The following COL22A1 variants were observed in gnomAD, a reference collection of about 807,000 sequenced individuals.
COL22A1 encodes the protein collagen type XXII alpha 1 chain.
Under a neutral mutation model 248.9 loss-of-function variants are expected in COL22A1, and 221 were observed. That is an observed-to-expected ratio of 0.89 (90% CI 0.80 to 0.99). The LOEUF is 0.99. COL22A1 is among the 50% of genes least tolerant of loss of function. The probability of loss-of-function intolerance (pLI) is 0.00; values close to 1 mark genes in which losing one functional copy is unlikely to be tolerated. For synonymous variants in COL22A1, 891 were observed against 793.4 expected, an observed-to-expected ratio of 1.12 and a Z score of -2.07; for missense variants, 2,240 against 2,179.0, an observed-to-expected ratio of 1.03 and a Z score of -0.56.
intron 35 of COL22A1, among the ~76,000 whole-genome samples, chr8:138,691,939 TACGTGTGTGCATGTTTGTGGAGGTGC>T (rs2130907434): frequency 1.4e-5 from 2 of 140,968 alleles, no homozygotes; most frequent in South Asian, 2.4e-4. Context: ...GAGGTGTGTG[TACGTGTGTGCATGTTTGTGGAGGTGC>T]ATGTGTGGAG....
At chr8:138,759,723 G>A (rs1833290291) in intron 18 of COL22A1, among the ~76,000 whole-genome samples, 1 of 146,722 alleles carries the variant, frequency 6.8e-6, no homozygotes, top group Admixed American at 7.1e-5. Flanking sequence ...AAACCTGGAA[G>A]ATATTCTAAA....
chr8:138,809,102 C>G (rs759579367), intron 9 of COL22A1, among the ~76,000 whole-genome samples: 24 of 151,724 alleles, frequency 1.6e-4, no homozygotes, highest in Non-Finnish European at 3.1e-4. Context: ...ATGAAAGAGA[C>G]AGAAATGATA....
intron 16 of COL22A1, among the ~76,000 whole-genome samples, chr8:138,768,924 G>A (rs971771979): frequency 1.3e-5 from 2 of 151,832 alleles, no homozygotes; most frequent in Non-Finnish European, 1.5e-5. Context: ...GCAATAGAGT[G>A]AGACTCCATC....
intron 22 of COL22A1, among the ~76,000 whole-genome samples, chr8:138,750,252 A>G (rs1832479828): frequency 6.6e-6 from 1 of 152,194 alleles, no homozygotes; most frequent in Admixed American, 6.5e-5. Context: ...GTGAGAACAG[A>G]CTAATACAAT....
intron 12 of COL22A1, 30 bp from the exon 13 acceptor site, chr8:138,781,010 G>A (rs377731959): frequency 2.4e-5 from 36 of 1,527,336 alleles, no homozygotes; most frequent in Non-Finnish European, 3.0e-5. Flanking sequence ...ATAGCAATTA[G>A]TAAAGAATAA....
At chr8:138,653,132 A>G (rs954532117) in intron 45 of COL22A1, among the ~76,000 whole-genome samples, 1 of 152,044 alleles carries the variant, frequency 6.6e-6, no homozygotes, top group Non-Finnish European at 1.5e-5. Flanking sequence ...CCAAGTAAGC[A>G]CTCAACAAAA....
rs200310171 is a variant in COL22A1 at position 138,594,085 on chromosome 8, G to A, written c.4547C>T (p.Pro1516Leu). 15 of 1,586,738 alleles carry A rather than the reference G, an allele frequency of 9.5e-6. No homozygotes were observed. The East Asian group carries it at 2.8e-4, about 30-fold the overall frequency. The change falls in exon 63 of 65, where the codon CCC becomes CTC. Residue 1516 changes from proline to leucine, a missense_variant. Pro to Leu is a moderately conservative substitution (Grantham distance 98, BLOSUM62 -3). Transcript: ENST00000303045. ...CCCAGGACGACCTGGCTCCCCCATG[G>A]GGCCGGCCCGGCCTGGAAGCCCATC... is the stretch of plus-strand genomic sequence containing the variant. ...GKDGLPGRAG[P>L]MGEPGRPGQG...
rs141154756 is a variant in COL22A1, at chr8:138,840,588, GTTA to G, written c.733+3493_733+3495del. On this transcript the variant is annotated intron_variant, in intron 4 of 64. Transcript: ENST00000303045. ...TCCTGAATCTTCCCAGCAAGAATCA[GTTA>G]TTATTATTATTATTAAGAAAAGGTC... Among the ~76,000 whole-genome samples the G allele has an allele frequency of 2.8e-3, 432 of 151,782 alleles. 1 individual carries two copies. The highest frequency in any genetic ancestry group is 0.01 in the African/African-American group (416 of 41,348).
Position 138,755,260 on chromosome 8 carries a change from G to C in COL22A1, c.1978-50C>G, listed in dbSNP as rs750794994. On this transcript the variant is annotated intron_variant, in intron 20 of 64. Coordinates refer to ENST00000303045, the MANE Select transcript of COL22A1 (RefSeq NM_152888.3). ...TTTAGTCATGACTTTTCCCCCATAT[G>C]ATCAGGCCCACCATCACCCATGGCC... 12 of 1,571,924 alleles carry C rather than the reference G, an allele frequency of 7.6e-6. No homozygotes were observed. In the Admixed American group the frequency reaches 2.0e-4, roughly 26 times the overall value.
intron 5 of COL22A1, among the ~76,000 whole-genome samples, chr8:138,827,516 G>A (rs897954790): frequency 6.6e-6 from 1 of 151,852 alleles, no homozygotes; most frequent in African/African-American, 2.4e-5. Flanking sequence ...CTTTGTCATG[G>A]CGGCCAGAAT....
rs184101787 is a variant in COL22A1, at chr8:138,912,404, G to A, written c.-73+1215C>T. Among the ~76,000 whole-genome samples, 773 of 152,306 alleles carry A rather than the reference G, an allele frequency of 5.1e-3. 2 individuals carry two copies. Among genetic ancestry groups the A allele is most frequent in the Non-Finnish European group, 9.2e-3 (624 of 68,026 alleles). On this transcript the variant is annotated intron_variant, in intron 1 of 64. Coordinates refer to ENST00000303045, the MANE Select transcript of COL22A1 (RefSeq NM_152888.3). ...GATTTGCCTGGTAGAAATCATCAAT[G>A]AGAGACAGATTAGGAGTGAGAAAGA...
At chr8:138,785,097 G>A (rs971700763) in intron 12 of COL22A1, among the ~76,000 whole-genome samples, 14 of 152,102 alleles carry the variant, frequency 9.2e-5, no homozygotes, top group African/African-American at 3.1e-4. Context: ...GGCAGGTTGG[G>A]GTAGTTCACA....
At chr8:138,769,838 G>A (rs1005230869) in intron 16 of COL22A1, among the ~76,000 whole-genome samples, 13 of 152,188 alleles carry the variant, frequency 8.5e-5, no homozygotes, top group Non-Finnish European at 2.9e-5. Context: ...GCTGACTTGG[G>A]AGCCAAAATG....
At chr8:138,822,864 C>T (rs1586828948) in intron 6 of COL22A1, among the ~76,000 whole-genome samples, 1 of 152,188 alleles carries the variant, frequency 6.6e-6, no homozygotes, top group Non-Finnish European at 1.5e-5. Context: ...TAGAACTCAC[C>T]ATCTCCTCCC....
intron 59 of COL22A1, among the ~76,000 whole-genome samples, chr8:138,603,771 C>T (rs752820199): frequency 2.8e-4 from 43 of 152,098 alleles, no homozygotes; most frequent in African/African-American, 9.2e-4. Context: ...TGAAGCTATC[C>T]GACTCAGCTT....
intron 3 of COL22A1, among the ~76,000 whole-genome samples, chr8:138,857,029 C>A (rs1822084563): frequency 6.6e-6 from 1 of 152,048 alleles, no homozygotes; most frequent in Non-Finnish European, 1.5e-5. Context: ...GCCGCCTTTG[C>A]CCCTCTGATT....
chr8:138,633,073 T>C (rs2132012387), intron 49 of COL22A1, among the ~76,000 whole-genome samples: 1 of 152,318 alleles, frequency 6.6e-6, no homozygotes, highest in South Asian at 2.1e-4. Flanking sequence ...CAACAGGGCC[T>C]GACAATTAAT....
chr8:138,862,026 TA>T (rs386414193), intron 3 of COL22A1, among the ~76,000 whole-genome samples: 9,908 of 92,932 alleles, frequency 0.11, 316 homozygotes, highest in Admixed American at 0.12. Context: ...CTGTCTCTAC[TA>T]AAAAAAAAAA....
intron 11 of COL22A1, among the ~76,000 whole-genome samples, chr8:138,798,324 T>C (rs887468289): frequency 6.6e-6 from 1 of 151,838 alleles, no homozygotes; most frequent in African/African-American, 2.4e-5. Context: ...TTTCTACAGG[T>C]CTCCTGTCCC....
Sources: gnomAD v4.1 joint callset for allele counts (sites outside exome capture counted in the v4.1 genomes callset) on GRCh38, gnomAD v4.1.1 for gene constraint, MANE v1.5 for transcripts, NCBI Gene and HGNC (gene_info 2026-07-23, HGNC 2026-07-21) for gene names.